Variants in BCL11A observed in about 807,000 individuals in gnomAD.
BCL11A encodes the protein B cell CLL/lymphoma 11A.
In BCL11A, 2 loss-of-function variants were observed where a neutral mutation model predicts 55.9. The ratio of observed to expected loss-of-function variants is 0.04; its 90% CI spans 0.01 to 0.11. The LOEUF (loss-of-function observed/expected upper bound fraction) is 0.11. Ranked by LOEUF, BCL11A falls within the 10% of genes least tolerant of loss-of-function variation. BCL11A has a pLI of 1.00. For missense variants in BCL11A, 817 were observed against 1,137.1 expected, an observed-to-expected ratio of 0.72 and a Z score of 4.05; for synonymous variants, 465 against 473.4, an observed-to-expected ratio of 0.98 and a Z score of 0.23.
chr2:60,481,888 A>G (rs1438600020), intron 2 of BCL11A, among the ~76,000 whole-genome samples: 1 of 152,190 alleles, frequency 6.6e-6, no homozygotes, highest in East Asian at 1.9e-4. Flanking sequence ...AAAAGCCTCA[A>G]CACACAGACA....
chr2:60,465,005 G>A (rs568856184), intron 3 of BCL11A, among the ~76,000 whole-genome samples: 323 of 152,258 alleles, frequency 2.1e-3, no homozygotes, highest in Non-Finnish European at 3.0e-3. Context: ...TCAATGAGAA[G>A]GGCTGTTACG....
At position 60,458,920 on chromosome 2, in the gene BCL11A, A is replaced by C. The variant is rs1558608884; in HGVS notation, c.*1484T>G. 1 of 1,034,094 alleles carries C rather than the reference A, an allele frequency of 9.7e-7. No homozygotes were observed. Among genetic ancestry groups the C allele is most frequent in the African/African-American group, 1.7e-5 (1 of 59,344 alleles). 64.1% of individuals were successfully genotyped at this position (1,034,094 alleles called of 1,614,324 possible). A position where few individuals can be genotyped will look rare whatever the true frequency, so the allele number is the denominator to read the frequency against. ...CCTCTTCCATGTTAACACAAATAGC[A>C]CACAGTGTATGGAAAAGAAATGAAG... On this transcript the variant is annotated 3_prime_UTR_variant, in exon 4 of 4. Coordinates refer to ENST00000642384, the MANE Select transcript of BCL11A (RefSeq NM_022893.4).
chr2:60,553,294 G>T lies in BCL11A; in HGVS notation c.-24C>A. The T allele has an allele frequency of 6.6e-7, 1 of 1,524,598 alleles. No homozygotes were observed. The highest frequency in any genetic ancestry group is 1.2e-5 in the South Asian group (1 of 81,118). 94.4% of individuals were successfully genotyped at this position (1,524,598 alleles called of 1,614,324 possible). On this transcript the variant is annotated 5_prime_UTR_variant, in exon 1 of 4. Transcript: ENST00000642384. ...ATGGTGGGCTGCGGGGCGGGCGGCGGCGGCGGCGGCGGCGGCGGCGGGCGG... is the reference window on the plus strand; with the variant it reads ...ATGGTGGGCTGCGGGGCGGGCGGCGTCGGCGGCGGCGGCGGCGGCGGGCGG...
chr2:60,474,647 A>G (rs1677418599), intron 2 of BCL11A, among the ~76,000 whole-genome samples: 1 of 151,706 alleles, frequency 6.6e-6, no homozygotes, highest in Non-Finnish European at 1.5e-5. Context: ...TCTTAGGACA[A>G]TTTTTTTTTG....
intron 2 of BCL11A, among the ~76,000 whole-genome samples, chr2:60,507,953 A>T (rs970120312): frequency 1.3e-5 from 2 of 152,188 alleles, no homozygotes; most frequent in Non-Finnish European, 2.9e-5. Flanking sequence ...GACATATTAC[A>T]CACGCAGATT....
intron 2 of BCL11A, among the ~76,000 whole-genome samples, chr2:60,470,612 C>G (rs562189364): frequency 2.0e-5 from 3 of 152,272 alleles, no homozygotes; most frequent in Non-Finnish European, 2.9e-5. Flanking sequence ...CTTCAGCAGG[C>G]CTCCAGCAAG....
At position 60,462,151 on chromosome 2, in the gene BCL11A, A is replaced by C; in HGVS notation, c.761T>G (p.Leu254Arg). The C allele has an allele frequency of 6.4e-7, 1 of 1,563,682 alleles. No individual in the cohort carries two copies. The highest frequency in any genetic ancestry group is 8.6e-7 in the Non-Finnish European group (1 of 1,156,172). ...AGTGGGTGGAAAGCGCCCTTCTGCC[A>C]GGCCGGAAGCCTCTCTCGATACTGA... is the stretch of plus-strand genomic sequence containing the variant. ...PGSVSREASGLAEGRFPPTPP... is the reference protein window; with the variant it reads ...PGSVSREASGRAEGRFPPTPP... The change falls in exon 4 of 4, where the codon CTG becomes CGG. Residue 254 changes from leucine (L) to arginine (R), a missense_variant. Transcript: ENST00000642384.
chr2:60,462,881 C>T (rs1676394653), intron 3 of BCL11A, among the ~76,000 whole-genome samples: 1 of 152,186 alleles, frequency 6.6e-6, no homozygotes, highest in Non-Finnish European at 1.5e-5. Context: ...TTCTATTCCC[C>T]CCTGGGTGAC....
At chr2:60,534,373 T>C (rs1025687011) in intron 2 of BCL11A, 1 of 152,216 alleles carries the variant, frequency 6.6e-6, no homozygotes, top group African/African-American at 2.4e-5. Flanking sequence ...AGAAGAAACC[T>C]AAAGCATTGT....
At chr2:60,490,631 A>C (rs1165725042) in intron 2 of BCL11A, among the ~76,000 whole-genome samples, 1 of 151,980 alleles carries the variant, frequency 6.6e-6, no homozygotes, top group Non-Finnish European at 1.5e-5. Context: ...CCACTCCCTG[A>C]CTCATATCTA....
chr2:60,477,976 T>A (rs909137232), intron 2 of BCL11A, among the ~76,000 whole-genome samples: 19 of 151,272 alleles, frequency 1.3e-4, no homozygotes, highest in Non-Finnish European at 2.7e-4. Flanking sequence ...TTTTTTTTTT[T>A]AATTGAGACA....
chr2:60,467,621 GTGGTAA>G (rs1175349394), intron 3 of BCL11A, among the ~76,000 whole-genome samples: 1 of 86,144 alleles, frequency 1.2e-5, no homozygotes, highest in Non-Finnish European at 2.4e-5. Context: ...AGTGATGGTG[GTGGTAA>G]TGGTGGTGGT....
intron 2 of BCL11A, among the ~76,000 whole-genome samples, chr2:60,487,340 A>G (rs1180385305): frequency 1.3e-5 from 2 of 152,072 alleles, no homozygotes; most frequent in East Asian, 1.9e-4. Flanking sequence ...TGCACCCCAC[A>G]ATGCCACACA....
At chr2:60,505,737 G>C (rs1679552329) in intron 2 of BCL11A, among the ~76,000 whole-genome samples, 1 of 152,244 alleles carries the variant, frequency 6.6e-6, no homozygotes, top group Non-Finnish European at 1.5e-5. Context: ...CTCTGTGACG[G>C]AGGGTGGGTA....
At position 60,507,222 on chromosome 2, in the gene BCL11A, GGAA is replaced by G. The variant is rs1558652563; in HGVS notation, c.386-38392_386-38390del. Among the ~76,000 whole-genome samples, 94 of 57,532 alleles carry G rather than the reference GGAA, an allele frequency of 1.6e-3. 10 individuals are homozygous for G. Among genetic ancestry groups the G allele is most frequent in the African/African-American group, 7.3e-3 (38 of 5,220 alleles). The allele number at this position is 57,532 out of a possible 152,430, so 37.7% of individuals were successfully genotyped here. A position where few individuals can be genotyped will look rare whatever the true frequency, so the allele number is the denominator to read the frequency against. Reference sequence around the variant, plus strand: ...GACAAGGAAGAAAGGAAGGAAGGAAGGAAGGAAGGAAGGGAGGGAGGGAGGGGA... The same window carrying G: ...GACAAGGAAGAAAGGAAGGAAGGAAGGGAAGGAAGGGAGGGAGGGAGGGGA... On this transcript the variant is annotated intron_variant, in intron 2 of 3. Coordinates refer to ENST00000642384, the MANE Select transcript of BCL11A (RefSeq NM_022893.4).
At chr2:60,505,558 C>T (rs1300697311) in intron 2 of BCL11A, among the ~76,000 whole-genome samples, 1 of 152,232 alleles carries the variant, frequency 6.6e-6, no homozygotes, top group Non-Finnish European at 1.5e-5. Flanking sequence ...TTGTCCAACC[C>T]AGTGGGCCTC....
At chr2:60,517,167 G>C (rs2104527296) in intron 2 of BCL11A, among the ~76,000 whole-genome samples, 1 of 152,296 alleles carries the variant, frequency 6.6e-6, no homozygotes, top group Admixed American at 6.5e-5. Flanking sequence ...AATAGAACTA[G>C]GGTGGTGAGG....
chr2:60,460,316 C>T lies in BCL11A; in HGVS notation c.*88G>A. ...CACATGGGACTAGAAAAAAATCCTA[C>T]AGGGAGTGGGGCTGGAGGGCGATGG... On this transcript the variant is annotated 3_prime_UTR_variant, in exon 4 of 4. Coordinates refer to ENST00000642384, the MANE Select transcript of BCL11A (RefSeq NM_022893.4). 6.6e-7 allele frequency: 1 copy of T among 1,504,150 alleles called. No homozygotes were observed. The highest frequency in any genetic ancestry group is 8.9e-7 in the Non-Finnish European group (1 of 1,126,944). 93.2% of individuals were successfully genotyped at this position (1,504,150 alleles called of 1,614,324 possible).
intron 2 of BCL11A, among the ~76,000 whole-genome samples, chr2:60,493,861 C>T (rs1426288479): frequency 6.6e-6 from 1 of 152,200 alleles, no homozygotes; most frequent in Non-Finnish European, 1.5e-5. Context: ...CCCCCATCCT[C>T]ATCAGCTTGG....
Sources: allele counts gnomAD v4.1 joint callset (sites outside exome capture counted in the v4.1 genomes callset), GRCh38; gene constraint gnomAD v4.1.1; transcripts MANE v1.5; gene names NCBI Gene and HGNC (gene_info 2026-07-23, HGNC 2026-07-21).